The following ARMC12 variants were observed in gnomAD, a reference collection of about 807,000 sequenced individuals.
ARMC12 encodes the protein armadillo repeat-containing protein 12.
In ARMC12, 25 loss-of-function variants were observed where a neutral mutation model predicts 37.4. The ratio of observed to expected loss-of-function variants is 0.67; its 90% CI spans 0.49 to 0.93. ARMC12 has a LOEUF of 0.93. Ranked by LOEUF, ARMC12 falls within the 40% of genes least tolerant of loss-of-function variation. The pLI, the probability that ARMC12 is intolerant of heterozygous loss-of-function variation, is 0.00. For missense variants in ARMC12, 384 were observed against 426.6 expected, an observed-to-expected ratio of 0.90 and a Z score of 0.88; for synonymous variants, 167 against 176.1, an observed-to-expected ratio of 0.95 and a Z score of 0.41.
chr6:35,731,991 C>G, the ARMC12 span, among the ~76,000 whole-genome samples: 6 of 148,898 alleles, frequency 4.0e-5, no homozygotes, highest in Admixed American at 4.0e-4. Flanking sequence ...AAAGTGAGAG[C>G]GGGGGCGGAG....
At chr6:35,734,271 C>T (rs182141146), upstream of ARMC12, among the ~76,000 whole-genome samples, 3 of 152,018 alleles carry the variant, frequency 2.0e-5, no homozygotes, top group African/African-American at 4.8e-5. Context: ...GCAATCCTAC[C>T]GCCTCAGCCT....
chr6:35,741,302 T>C (rs1473239693), intron 3 of ARMC12, among the ~76,000 whole-genome samples: 3 of 152,176 alleles, frequency 2.0e-5, no homozygotes, highest in African/African-American at 7.2e-5. Context: ...AGTGGAATGG[T>C]TTGGTCAAAG....
At chr6:35,744,619 G>T (rs1232314512) in intron 3 of ARMC12, among the ~76,000 whole-genome samples, 1 of 152,044 alleles carries the variant, frequency 6.6e-6, no homozygotes, top group African/African-American at 2.4e-5. Flanking sequence ...GCTGGGCATG[G>T]TGGTGGGCAC....
chr6:35,747,514 A>G lies in ARMC12; in HGVS notation c.619-62A>G, dbSNP rs2296664. 1,196 of 1,611,998 alleles carry G rather than the reference A, an allele frequency of 7.4e-4. 17 individuals are homozygous for G. In the East Asian group the frequency reaches 0.023, roughly 31 times the overall value. On this transcript the variant is annotated intron_variant, in intron 4 of 5. Coordinates refer to ENST00000373866, the MANE Select transcript of ARMC12 (RefSeq NM_001286574.2). The stretch of plus-strand genomic sequence containing the variant: ...CTTAGAGGGAGGAGCAGAGGTTTAT[A>G]TCTTCCTTGCTGAGGCCCAGACTCA...
At position 35,738,021 on chromosome 6, in the gene ARMC12, G is replaced by T. The variant is rs1767026389; in HGVS notation, c.164-6G>T. ...CAGCCTGAACTGGGCTGGGGTGGCT[G>T]TCTAGGCCTGGCAGTCGAGCGAGAG... On this transcript the variant is annotated splice_region_variant and splice_polypyrimidine_tract_variant and intron_variant, in intron 1 of 5. Transcript: ENST00000373866. The T allele has an allele frequency of 1.9e-6, 3 of 1,612,484 alleles. No homozygotes were observed. In the African/African-American group the frequency reaches 4.0e-5, roughly 22 times the overall value.
Position 35,747,344 on chromosome 6 carries a change from C to A in ARMC12, c.528C>A (p.Asn176Lys), listed in dbSNP as rs761043454. ...LHIAGLRLLNNLPLPDYVHPQ... is the reference protein window; with the variant it reads ...LHIAGLRLLNKLPLPDYVHPQ... ...TTGCGGGCCTCAGACTCCTCAACAA[C>A]CTTCCACTGCCCGACTATGTGCATC... The change falls in exon 4 of 6, where the codon AAC becomes AAA. Residue 176 changes from asparagine (N) to lysine (K), a missense_variant. Asn to Lys is a moderately conservative substitution (Grantham distance 94). Transcript: ENST00000373866. 1.2e-6 allele frequency: 2 copies of A among 1,614,182 alleles called. No homozygotes were observed. Among genetic ancestry groups the A allele is most frequent in the Non-Finnish European group, 1.7e-6 (2 of 1,180,044 alleles).
intron 1 of ARMC12, 147 bp downstream of exon 1, chr6:35,737,418 A>G (rs1462452823): frequency 1.9e-6 from 3 of 1,600,638 alleles, no homozygotes; most frequent in Non-Finnish European, 2.6e-6. Flanking sequence ...CCCACCCTGC[A>G]GCGTCCTAGG....
In ARMC12 at chr6:35,737,141, A is replaced by G. The variant is rs764588317; in HGVS notation, c.33A>G (p.Gln11=). 6.2e-7 allele frequency: 1 copy of G among 1,614,238 alleles called. No individual in the cohort carries two copies. Among genetic ancestry groups the G allele is most frequent in the Admixed American group, 1.7e-5 (1 of 60,026 alleles). MGKSIPQYLG[Q]LDIRKSVVSL... ...AGAGCATCCCCCAATACCTGGGGCA[A>G]CTGGACATCCGCAAAAGCGTAGTCA... is the stretch of plus-strand genomic sequence containing the variant. Residue 11 remains glutamine, a synonymous_variant, in exon 1 of 6, where the codon CAA becomes CAG. Coordinates refer to ENST00000373866, the MANE Select transcript of ARMC12 (RefSeq NM_001286574.2).
At chr6:35,737,968 C>T (rs1370678968) in intron 1 of ARMC12, 59 bp from the exon 2 acceptor site, 2 of 1,603,588 alleles carry the variant, frequency 1.2e-6, no homozygotes, top group Admixed American at 3.3e-5. Context: ...TACTTCCCAA[C>T]CCCATTCTTT....
At chr6:35,741,928 G>C (rs557848978) in intron 3 of ARMC12, among the ~76,000 whole-genome samples, 3 of 152,122 alleles carry the variant, frequency 2.0e-5, no homozygotes, top group East Asian at 3.9e-4. Context: ...TACGATCTTG[G>C]CTTACTGCAA....
chr6:35,742,259 G>A (rs1206347437), intron 3 of ARMC12, among the ~76,000 whole-genome samples: 2 of 151,794 alleles, frequency 1.3e-5, no homozygotes, highest in Admixed American at 6.6e-5. Context: ...AGCACTTTGG[G>A]AGGCTGAGGT....
rs908475171 is a variant in ARMC12, at chr6:35,742,484, G to A, written c.444+3966G>A. Reference sequence around the variant, plus strand: ...TGCACTCCAGCCTGGGCCACAGAACGAGACTCTGTCTCAAAAAAAAAAAAA... The same window carrying A: ...TGCACTCCAGCCTGGGCCACAGAACAAGACTCTGTCTCAAAAAAAAAAAAA... On this transcript the variant is annotated intron_variant, in intron 3 of 5. Coordinates refer to ENST00000373866, the MANE Select transcript of ARMC12 (RefSeq NM_001286574.2). Among the ~76,000 whole-genome samples, 20 of 115,170 alleles carry A rather than the reference G, an allele frequency of 1.7e-4. No individual in the cohort carries two copies. In the South Asian group the frequency reaches 5.8e-3, roughly 33 times the overall value. The allele number at this position is 115,170 out of a possible 152,430, so 75.6% of individuals were successfully genotyped here. A position where few individuals can be genotyped will look rare whatever the true frequency, so the allele number is the denominator to read the frequency against.
At position 35,747,283 on chromosome 6, in the gene ARMC12, A is replaced by T; in HGVS notation, c.467A>T (p.Glu156Val). The change falls in exon 4 of 6, where the codon GAA (glutamate) becomes GTA (valine). Residue 156 changes from glutamate (E) to valine (V), a missense_variant. Physicochemically the swap from Glu to Val is moderately radical, Grantham distance 121. Coordinates refer to ENST00000373866, the MANE Select transcript of ARMC12 (RefSeq NM_001286574.2). ...KIQEHSIKVLELISTIWDTEL... is the reference protein window; with the variant it reads ...KIQEHSIKVLVLISTIWDTEL... ...CAGGAACACTCCATCAAAGTACTCGAACTGATCTCCACCATCTGGGACACG... is the reference window on the plus strand; with the variant it reads ...CAGGAACACTCCATCAAAGTACTCGTACTGATCTCCACCATCTGGGACACG... 1 of 1,612,666 alleles carries T rather than the reference A, an allele frequency of 6.2e-7. No individual in the cohort carries two copies. Among genetic ancestry groups the T allele is most frequent in the South Asian group, 1.1e-5 (1 of 91,024 alleles).
Position 35,738,420 on chromosome 6 carries a change from G to A in ARMC12, c.346G>A (p.Gly116Ser), listed in dbSNP as rs768837601. The A allele has an allele frequency of 7.6e-5, 122 of 1,613,712 alleles. No homozygotes were observed. Among genetic ancestry groups the A allele is most frequent in the Non-Finnish European group, 1.0e-4 (118 of 1,179,996 alleles). The change falls in exon 3 of 6, where the codon GGC (glycine) becomes AGC (serine). Residue 116 changes from glycine to serine, a missense_variant. Coordinates refer to ENST00000373866, the MANE Select transcript of ARMC12 (RefSeq NM_001286574.2). ...ACTTDDIVLL[G>S]YMLDDKDNSV... Reference sequence around the variant, plus strand: ...TACTACGGATGACATCGTGTTGCTGGGCTACATGCTGGATGACAAGGACAA... The same window carrying A: ...TACTACGGATGACATCGTGTTGCTGAGCTACATGCTGGATGACAAGGACAA...
At position 35,742,131 on chromosome 6, in the gene ARMC12, G is replaced by GC. The variant is rs559811436; in HGVS notation, c.444+3614dup. ...CTCAGCCTCCCAAAGTGCTGGGATT[G>GC]CAGGTGTCAGTCACCACACCTGGTC... On this transcript the variant is annotated intron_variant, in intron 3 of 5. Coordinates refer to ENST00000373866, the MANE Select transcript of ARMC12 (RefSeq NM_001286574.2). Among the ~76,000 whole-genome samples, 296 of 152,026 alleles carry GC rather than the reference G, an allele frequency of 1.9e-3. 1 individual carries two copies. Among genetic ancestry groups the GC allele is most frequent in the African/African-American group, 6.6e-3 (272 of 41,478 alleles).
chr6:35,742,960 G>A (rs1255822405), intron 3 of ARMC12, among the ~76,000 whole-genome samples: 1 of 152,158 alleles, frequency 6.6e-6, no homozygotes, highest in South Asian at 2.1e-4. Context: ...CCCCAGCCAC[G>A]TACAATGCAT....
intron 3 of ARMC12, among the ~76,000 whole-genome samples, chr6:35,739,981 C>T (rs1030679299): frequency 2.6e-5 from 4 of 152,188 alleles, no homozygotes; most frequent in Non-Finnish European, 4.4e-5. Flanking sequence ...TCCAAGGACC[C>T]TGCCTGGAGT....
intron 3 of ARMC12, among the ~76,000 whole-genome samples, chr6:35,741,308 C>T (rs1184782227): frequency 6.6e-6 from 1 of 152,110 alleles, no homozygotes; most frequent in Non-Finnish European, 1.5e-5. Context: ...ATGGTTTGGT[C>T]AAAGGGTATG....
chr6:35,738,609 G>T, intron 3 of ARMC12, 91 bp downstream of exon 3: 1 of 1,504,266 alleles, frequency 6.6e-7, no homozygotes, highest in South Asian at 1.3e-5. Flanking sequence ...TGTTCCAGAA[G>T]TTTGTTTGGG....
Sources: allele counts gnomAD v4.1 joint callset (sites outside exome capture counted in the v4.1 genomes callset), GRCh38; gene constraint gnomAD v4.1.1; transcripts MANE v1.5; gene names NCBI Gene and HGNC (gene_info 2026-07-23, HGNC 2026-07-21).